The following SELENOI variants were observed in gnomAD, a reference collection of about 807,000 sequenced individuals.
SELENOI encodes selenoprotein I.
SELENOI carries 24 observed loss-of-function variants against 50.7 expected under a neutral mutation model. That is an observed-to-expected ratio of 0.47 (90% confidence interval 0.34 to 0.67). SELENOI has a LOEUF of 0.67. Among genes scored for constraint, SELENOI ranks in the 30% least tolerant of loss-of-function variants. SELENOI has a pLI of 0.01. For missense variants in SELENOI, 352 were observed against 461.4 expected, an observed-to-expected ratio of 0.76 and a Z score of 2.17; for synonymous variants, 155 against 170.2, an observed-to-expected ratio of 0.91 and a Z score of 0.70.
chr2:26,388,598 C>G (rs1677897833), intron 9 of SELENOI, among the ~76,000 whole-genome samples: 1 of 152,204 alleles, frequency 6.6e-6, no homozygotes, highest in Non-Finnish European at 1.5e-5. Context: ...TAAGGCCTCT[C>G]CAAATTCATA....
intron 6 of SELENOI, among the ~76,000 whole-genome samples, chr2:26,380,700 A>G (rs557310918): frequency 6.6e-6 from 1 of 152,184 alleles, no homozygotes; most frequent in Non-Finnish European, 1.5e-5. Context: ...TAAAATTACC[A>G]TATTCCCCTA....
At chr2:26,384,246 A>G (rs1677791561) in intron 7 of SELENOI, among the ~76,000 whole-genome samples, 1 of 152,206 alleles carries the variant, frequency 6.6e-6, no homozygotes, top group South Asian at 2.1e-4. Context: ...AAGCGCTATT[A>G]ATCTTCTTCA....
chr2:26,356,420 T>C (rs1410598265), intron 1 of SELENOI, among the ~76,000 whole-genome samples: 2 of 152,320 alleles, frequency 1.3e-5, no homozygotes, highest in African/African-American at 2.4e-5. Flanking sequence ...AGTTCAGTTT[T>C]CTTATTGGTA....
At chr2:26,384,038 TG>T (rs141410514) in intron 7 of SELENOI, among the ~76,000 whole-genome samples, 52 of 152,344 alleles carry the variant, frequency 3.4e-4, no homozygotes, top group African/African-American at 1.2e-3. Context: ...CTCTGATCTA[TG>T]TGCTTCTCCA....
At chr2:26,356,758 A>G (rs1166286326) in intron 1 of SELENOI, among the ~76,000 whole-genome samples, 1 of 152,094 alleles carries the variant, frequency 6.6e-6, no homozygotes, top group Non-Finnish European at 1.5e-5. Context: ...TGTTCTTAGA[A>G]TAAAATCCAA....
intron 9 of SELENOI, among the ~76,000 whole-genome samples, chr2:26,387,805 G>T (rs1677879145): frequency 6.6e-6 from 1 of 152,100 alleles, no homozygotes; most frequent in Admixed American, 6.6e-5. Flanking sequence ...ATAGGAATGG[G>T]GTTGTGACAG....
chr2:26,386,999 A>G (rs1187981889), intron 9 of SELENOI, among the ~76,000 whole-genome samples: 1 of 152,208 alleles, frequency 6.6e-6, no homozygotes, highest in African/African-American at 2.4e-5. Flanking sequence ...CCCACTGCCC[A>G]GTTTGCTAAG....
chr2:26,346,215 C>T lies in SELENOI; in HGVS notation c.-18C>T. The T allele has an allele frequency of 6.2e-7, 1 of 1,613,666 alleles. No homozygotes were observed. The highest frequency in any genetic ancestry group is 1.6e-4 in the Middle Eastern group (1 of 6,062). ...GCCGGGAGTCGCTGCCGAGTGGGCG[C>T]TCAGTTTTCGGGTCGTCATGGCTGG... is the stretch of plus-strand genomic sequence containing the variant. On this transcript the variant is annotated 5_prime_UTR_variant, in exon 1 of 10. Coordinates refer to ENST00000260585, the MANE Select transcript of SELENOI (RefSeq NM_033505.4).
At position 26,364,187 on chromosome 2, in the gene SELENOI, G is replaced by A. The variant is rs971163735; in HGVS notation, c.58-115G>A. Reference sequence around the variant, plus strand: ...AGGCCTCAGCCTTTTGAGTAGCTGGGTTATATGCATGCGCCACTGCGCCTG... The same window carrying A: ...AGGCCTCAGCCTTTTGAGTAGCTGGATTATATGCATGCGCCACTGCGCCTG... On this transcript the variant is annotated intron_variant, in intron 1 of 9. Transcript: ENST00000260585. The A allele has an allele frequency of 7.4e-5, 53 of 717,638 alleles. No individual in the cohort carries two copies. In the East Asian group the frequency reaches 1.5e-3, roughly 21 times the overall value. The allele number at this position is 717,638 out of a possible 1,614,324, so 44.5% of individuals were successfully genotyped here.
At chr2:26,358,595 A>G (rs529187888) in intron 1 of SELENOI, among the ~76,000 whole-genome samples, 1 of 152,334 alleles carries the variant, frequency 6.6e-6, no homozygotes, top group Non-Finnish European at 1.5e-5. Context: ...GACTTAAGTG[A>G]AAGCATTATT....
At chr2:26,365,946 C>T (rs1049287038) in intron 3 of SELENOI, among the ~76,000 whole-genome samples, 3 of 151,978 alleles carry the variant, frequency 2.0e-5, no homozygotes, top group African/African-American at 4.8e-5. Flanking sequence ...GGACTACAGG[C>T]GTGTACTTCC....
chr2:26,384,443 A>G (rs1677797001), intron 7 of SELENOI, among the ~76,000 whole-genome samples: 1 of 152,220 alleles, frequency 6.6e-6, no homozygotes, highest in Non-Finnish European at 1.5e-5. Flanking sequence ...TCAGCTGAGC[A>G]GGCGTGTATT....
chr2:26,380,845 TAC>T (rs1386955882), intron 6 of SELENOI, among the ~76,000 whole-genome samples: 1 of 152,196 alleles, frequency 6.6e-6, no homozygotes, highest in African/African-American at 2.4e-5. Context: ...GATGTGTCTG[TAC>T]AGTTTTAATT....
intron 1 of SELENOI, among the ~76,000 whole-genome samples, chr2:26,351,472 G>A (rs1360101509): frequency 6.6e-6 from 1 of 152,166 alleles, no homozygotes; most frequent in East Asian, 1.9e-4. Flanking sequence ...TTGCACCATC[G>A]TAAAGTTGAA....
chr2:26,371,388 G>GGTGGCTGC (rs1677441588), intron 4 of SELENOI, among the ~76,000 whole-genome samples: 1 of 152,004 alleles, frequency 6.6e-6, no homozygotes, highest in Non-Finnish European at 1.5e-5. Flanking sequence ...GGGCAGCCGG[G>GGTGGCTGC]CAGAGACGCT....
rs1677944125 is a variant in SELENOI at position 26,390,660 on chromosome 2, A to C, written c.*1557A>C. ...TAACTCATGGTTCTATACTCATTTTAAGAAATTGTAAAGGTTGAGGTGTAT... is the reference window on the plus strand; with the variant it reads ...TAACTCATGGTTCTATACTCATTTTCAGAAATTGTAAAGGTTGAGGTGTAT... On this transcript the variant is annotated 3_prime_UTR_variant, in exon 10 of 10. Coordinates refer to ENST00000260585, the MANE Select transcript of SELENOI (RefSeq NM_033505.4). 1 of 152,260 alleles carries C rather than the reference A, an allele frequency of 6.6e-6. No individual in the cohort carries two copies. Among genetic ancestry groups the C allele is most frequent in the Admixed American group, 6.5e-5 (1 of 15,280 alleles). 9.4% of individuals were successfully genotyped at this position (152,260 alleles called of 1,614,324 possible). A position where few individuals can be genotyped will look rare whatever the true frequency, so the allele number is the denominator to read the frequency against.
rs892779053 is a variant in SELENOI, at chr2:26,395,348, C to T, written c.*6245C>T. ...CTGTCTTCCAGTTCATCTCAGTCCT[C>T]GAGAAAGGCCCTTTAAATATGTCAC... On this transcript the variant is annotated 3_prime_UTR_variant, in exon 10 of 10. Transcript: ENST00000260585. 2.0e-5 allele frequency: 3 copies of T among 152,156 alleles called. No homozygotes were observed. Among genetic ancestry groups the T allele is most frequent in the South Asian group, 4.1e-4 (2 of 4,826 alleles). The allele number at this position is 152,156 out of a possible 1,614,324, so 9.4% of individuals were successfully genotyped here.
intron 1 of SELENOI, among the ~76,000 whole-genome samples, chr2:26,362,688 G>A (rs1677206623): frequency 1.3e-5 from 2 of 152,044 alleles, no homozygotes; most frequent in South Asian, 2.1e-4. Context: ...CTCAGGAGGC[G>A]GAGGTTGCAG....
chr2:26,388,133 A>G (rs1677885211), intron 9 of SELENOI, among the ~76,000 whole-genome samples: 2 of 152,218 alleles, frequency 1.3e-5, no homozygotes, highest in African/African-American at 4.8e-5. Flanking sequence ...ATTTGTACAA[A>G]TGTAACCTTA....
Sources: allele counts gnomAD v4.1 joint callset (sites outside exome capture counted in the v4.1 genomes callset), GRCh38; gene constraint gnomAD v4.1.1; transcripts MANE v1.5; gene names NCBI Gene and HGNC (gene_info 2026-07-23, HGNC 2026-07-21).